INSL6: variants seen among roughly 807,000 people sequenced by gnomAD.
INSL6 encodes the protein insulin-like peptide INSL6.
INSL6 carries 16 observed loss-of-function variants against 9.4 expected under a neutral mutation model. That is an observed-to-expected ratio of 1.70 (90% CI 1.15 to 2.59). INSL6 has a LOEUF of 2.59. Ranked by LOEUF, INSL6 falls within the 30% of genes most tolerant of loss-of-function variation. The pLI is 0.00. For missense variants in INSL6, 391 were observed against 257.3 expected (o/e 1.52, Z -3.56); for synonymous variants, 154 against 96.9 (o/e 1.59, Z -3.46).
chr9:5,057,865 G>C, the INSL6 span, among the ~76,000 whole-genome samples: 1 of 152,074 alleles, frequency 6.6e-6, no homozygotes, highest in African/African-American at 2.4e-5. Context: ...ACAGGTGTGA[G>C]CCACTGTGCC....
the INSL6 span, chr9:5,044,586 C>G: frequency 2.0e-6 from 2 of 1,012,094 alleles, no homozygotes; most frequent in Non-Finnish European, 2.9e-6. Context: ...TAATAAGTCA[C>G]TTAATCAGGA....
At chr9:5,070,471 G>C in the INSL6 span, among the ~76,000 whole-genome samples, 1 of 152,106 alleles carries the variant, frequency 6.6e-6, no homozygotes, top group Non-Finnish European at 1.5e-5. Context: ...ACCAAAATCT[G>C]AGGATACTTA....
the INSL6 span, among the ~76,000 whole-genome samples, chr9:5,057,871 G>A: frequency 6.6e-6 from 1 of 152,022 alleles, no homozygotes; most frequent in Non-Finnish European, 1.5e-5. Flanking sequence ...GTGAGCCACT[G>A]TGCCCAGCCC....
intron 2 of INSL6, among the ~76,000 whole-genome samples, chr9:5,141,303 C>A (rs985555026): frequency 6.6e-6 from 1 of 152,162 alleles, no homozygotes; most frequent in Non-Finnish European, 1.5e-5. Flanking sequence ...AATGGTTGAA[C>A]TAATTTACAC....
the INSL6 span, among the ~76,000 whole-genome samples, chr9:5,059,115 G>C: frequency 1.3e-5 from 2 of 152,038 alleles, no homozygotes; most frequent in Non-Finnish European, 2.9e-5. Flanking sequence ...CTAATCTTAC[G>C]TGTATAGCTC....
At chr9:5,088,114 C>G in the INSL6 span, among the ~76,000 whole-genome samples, 1 of 152,136 alleles carries the variant, frequency 6.6e-6, no homozygotes, top group Non-Finnish European at 1.5e-5. Flanking sequence ...TTATTATTCT[C>G]CACTTTAAGG....
At chr9:5,000,334 C>T in the INSL6 span, among the ~76,000 whole-genome samples, 2 of 151,862 alleles carry the variant, frequency 1.3e-5, no homozygotes, top group East Asian at 1.9e-4. Context: ...AGGAAATAGT[C>T]GGAAATGTCC....
At chr9:5,033,857 G>A in the INSL6 span, among the ~76,000 whole-genome samples, 43 of 152,082 alleles carry the variant, frequency 2.8e-4, no homozygotes, top group Non-Finnish European at 2.2e-4. Flanking sequence ...ACCAGGTAAC[G>A]TCATAAAGAC....
intron 3 of INSL6, among the ~76,000 whole-genome samples, chr9:5,132,593 A>G (rs1220890064): frequency 6.6e-6 from 1 of 152,030 alleles, no homozygotes; most frequent in African/African-American, 2.4e-5. Flanking sequence ...ACCACTTCAG[A>G]CTTTTCTACA....
At chr9:5,042,206 C>G in the INSL6 span, among the ~76,000 whole-genome samples, 2 of 148,604 alleles carry the variant, frequency 1.3e-5, no homozygotes, top group Non-Finnish European at 3.0e-5. Flanking sequence ...GGCGCAATCT[C>G]GGCTCACTGC....
the INSL6 span, among the ~76,000 whole-genome samples, chr9:4,992,318 G>A: frequency 6.6e-6 from 1 of 152,182 alleles, no homozygotes; most frequent in Non-Finnish European, 1.5e-5. Flanking sequence ...GTGTGTCTCA[G>A]CATAAATCTT....
At chr9:5,089,121 T>C in the INSL6 span, among the ~76,000 whole-genome samples, 1 of 152,254 alleles carries the variant, frequency 6.6e-6, no homozygotes. Context: ...TTAAATGCTT[T>C]TTTGAAGTAA....
rs535457675 is a variant in INSL6, at chr9:5,138,310, T to C, written c.377-4718A>G. Among the ~76,000 whole-genome samples, 5 of 152,314 alleles carry C rather than the reference T, an allele frequency of 3.3e-5. No homozygotes were observed. In the South Asian group the frequency reaches 1.0e-3, roughly 32 times the overall value. On this transcript the variant is annotated intron_variant, in intron 2 of 3. Coordinates refer to the INSL6 transcript ENST00000649639. ...ATGTTTACTGCAGCACTGTTCACAA[T>C]AGCAAAGACTTGGAACCAACCCAAA...
At chr9:5,167,212 C>T (rs773646916) in intron 1 of INSL6, among the ~76,000 whole-genome samples, 3 of 152,194 alleles carry the variant, frequency 2.0e-5, no homozygotes, top group Non-Finnish European at 4.4e-5. Flanking sequence ...TGCTACCCCT[C>T]CCTGAAAACC....
At chr9:5,021,278 T>C in the INSL6 span, among the ~76,000 whole-genome samples, 1 of 152,230 alleles carries the variant, frequency 6.6e-6, no homozygotes, top group African/African-American at 2.4e-5. Context: ...CTCGCTATTT[T>C]GGTTCTTCTT....
the INSL6 span, among the ~76,000 whole-genome samples, chr9:5,006,048 G>A: frequency 1.1e-4 from 17 of 152,202 alleles, no homozygotes; most frequent in Non-Finnish European, 2.4e-4. Context: ...TTGGTAGCTT[G>A]ATGGGGATGG....
intron 2 of INSL6, among the ~76,000 whole-genome samples, chr9:5,136,634 G>C: frequency 6.6e-6 from 1 of 152,108 alleles, no homozygotes; most frequent in East Asian, 1.9e-4. Flanking sequence ...AATCATAAGA[G>C]CTATTTATGA....
chr9:5,171,479 C>T (rs1043693060), intron 1 of INSL6, among the ~76,000 whole-genome samples: 2 of 152,100 alleles, frequency 1.3e-5, no homozygotes, highest in African/African-American at 4.8e-5. Flanking sequence ...AAGTCCTGGC[C>T]AAGGCAATCG....
downstream of INSL6, among the ~76,000 whole-genome samples, chr9:5,163,497 G>A (rs573325689): frequency 1.6e-4 from 25 of 152,276 alleles, no homozygotes; most frequent in African/African-American, 4.3e-4. Context: ...TAGTTGATTC[G>A]TTATTTTTAA....
Sources: allele counts gnomAD v4.1 joint callset (sites outside exome capture counted in the v4.1 genomes callset), GRCh38; gene constraint gnomAD v4.1.1; transcripts MANE v1.5; gene names NCBI Gene and HGNC (gene_info 2026-07-23, HGNC 2026-07-21).